SNAP91: variants seen among roughly 807,000 people sequenced by gnomAD.
SNAP91 encodes clathrin coat assembly protein AP180.
Under a neutral mutation model 100.3 loss-of-function variants are expected in SNAP91, and 27 were observed. That is an observed-to-expected ratio of 0.27 (90% CI 0.20 to 0.37). SNAP91 has a LOEUF of 0.37. Among genes scored for constraint, SNAP91 ranks in the 10% least tolerant of loss-of-function variants. The pLI is 1.00. For synonymous variants in SNAP91, 404 were observed against 398.6 expected, an observed-to-expected ratio of 1.01 and a Z score of -0.16; for missense variants, 986 against 1,123.7, an observed-to-expected ratio of 0.88 and a Z score of 1.75.
At chr6:83,675,841 C>CACACACACACACAA (rs1256251289) in intron 2 of SNAP91, among the ~76,000 whole-genome samples, 1 of 150,750 alleles carries the variant, frequency 6.6e-6, no homozygotes, top group Non-Finnish European at 1.5e-5. Context: ...CACACACACA[C>CACACACACACACAA]ACACACACAC....
At chr6:83,674,617 C>T (rs928391150) in intron 2 of SNAP91, among the ~76,000 whole-genome samples, 2 of 152,100 alleles carry the variant, frequency 1.3e-5, no homozygotes, top group Non-Finnish European at 2.9e-5. Context: ...TACTGCTCCT[C>T]AAAATCTCAA....
At chr6:83,689,099 T>C (rs2099099616) in intron 2 of SNAP91, among the ~76,000 whole-genome samples, 1 of 152,170 alleles carries the variant, frequency 6.6e-6, no homozygotes, top group South Asian at 2.1e-4. Context: ...GTGCCACCCA[T>C]CATGGCTCAG....
chr6:83,594,470 C>T lies in SNAP91; in HGVS notation c.1336G>A (p.Ala446Thr), dbSNP rs1379417472. 1 of 1,515,134 alleles carries T rather than the reference C, an allele frequency of 6.6e-7. No homozygotes were observed. Among genetic ancestry groups the T allele is most frequent in the Non-Finnish European group, 8.8e-7 (1 of 1,135,252 alleles). 93.9% of individuals were successfully genotyped at this position (1,515,134 alleles called of 1,614,324 possible). ...EVDLFGDAFA[A>T]SPGEAPAASE... ...GCTGCAGGGGCCTCCCCAGGAGAAGCTGCAAAGGCATCTTGGGTGCGGTTT... is the reference window on the plus strand; with the variant it reads ...GCTGCAGGGGCCTCCCCAGGAGAAGTTGCAAAGGCATCTTGGGTGCGGTTT... Residue 446 changes from alanine (A) to threonine (T), a missense_variant, in exon 17 of 30, where the codon GCT (alanine) becomes ACT (threonine). By Grantham distance (58) the Ala-to-Thr change is moderately conservative (BLOSUM62 0). Transcript: ENST00000369694.
intron 20 of SNAP91, 108 bp downstream of exon 20, chr6:83,592,838 C>T: frequency 1.2e-6 from 1 of 844,258 alleles, no homozygotes; most frequent in Non-Finnish European, 1.9e-6. Context: ...TTTTGAAGTA[C>T]ATTTTAAATT....
chr6:83,574,933 A>C, intron 26 of SNAP91, 77 bp downstream of exon 26: 1 of 904,564 alleles, frequency 1.1e-6, no homozygotes, highest in South Asian at 1.5e-5. Flanking sequence ...CAGCAAAGTT[A>C]GCAAAATGCA....
At chr6:83,661,165 T>A (rs777123354) in intron 5 of SNAP91, among the ~76,000 whole-genome samples, 10 of 152,190 alleles carry the variant, frequency 6.6e-5, no homozygotes, top group Non-Finnish European at 1.3e-4. Flanking sequence ...AATTCCCTCC[T>A]TCTTAAATTA....
intron 6 of SNAP91, 84 bp downstream of exon 6, chr6:83,658,910 CGAGGA>C: frequency 3.2e-6 from 3 of 951,388 alleles, no homozygotes; most frequent in Non-Finnish European, 3.2e-6. Flanking sequence ...AGCTGCTTCC[CGAGGA>C]AATCTTTGGA....
At chr6:83,560,046 C>G in intron 28 of SNAP91, 58 bp downstream of exon 28, 3 of 1,396,298 alleles carry the variant, frequency 2.1e-6, no homozygotes, top group Non-Finnish European at 3.1e-6. Context: ...GTTTGCTACA[C>G]CAATGTTTTA....
At chr6:83,686,378 G>A (rs1324802639) in intron 2 of SNAP91, among the ~76,000 whole-genome samples, 1 of 152,138 alleles carries the variant, frequency 6.6e-6, no homozygotes, top group Non-Finnish European at 1.5e-5. Context: ...AAGAGTTACT[G>A]GCTACAGAGG....
chr6:83,688,976 T>A (rs1405690198), intron 2 of SNAP91, among the ~76,000 whole-genome samples: 3 of 152,162 alleles, frequency 2.0e-5, no homozygotes, highest in Non-Finnish European at 4.4e-5. Context: ...TCTCACTAAG[T>A]GGTAAGTTCG....
Position 83,571,945 on chromosome 6 carries a change from AG to A in SNAP91, c.2442+3064del, listed in dbSNP as rs1374259708. Among the ~76,000 whole-genome samples the A allele has an allele frequency of 2.0e-5, 3 of 152,104 alleles. No homozygotes were observed. The East Asian group carries it at 5.8e-4, about 29-fold the overall frequency. On this transcript the variant is annotated intron_variant, in intron 26 of 29. Transcript: ENST00000369694. ...TCTCATGAGATCTGATGGTTTAATA[AG>A]GGGGAGTTTCCCTGCACAAGCTCTT...
chr6:83,645,418 C>T (rs1204983505), intron 7 of SNAP91, among the ~76,000 whole-genome samples: 1 of 152,150 alleles, frequency 6.6e-6, no homozygotes, highest in Non-Finnish European at 1.5e-5. Flanking sequence ...GATGAACCTA[C>T]ATTGAACATC....
chr6:83,673,182 C>T (rs530387060), intron 2 of SNAP91, among the ~76,000 whole-genome samples: 2 of 151,648 alleles, frequency 1.3e-5, no homozygotes, highest in African/African-American at 4.9e-5. Context: ...TCTTCTCTTT[C>T]TGTTATGGAC....
intron 11 of SNAP91, among the ~76,000 whole-genome samples, chr6:83,614,420 T>C (rs1583867801): frequency 6.6e-6 from 1 of 152,148 alleles, no homozygotes; most frequent in African/African-American, 2.4e-5. Flanking sequence ...AATGCTTCAA[T>C]TTATGTATAT....
At chr6:83,639,249 ATACAG>A in intron 8 of SNAP91, among the ~76,000 whole-genome samples, 1 of 152,302 alleles carries the variant, frequency 6.6e-6, no homozygotes, top group South Asian at 2.1e-4. Flanking sequence ...CATGAGTACT[ATACAG>A]TAGAGAGAGA....
chr6:83,603,484 C>A (rs1019531592), intron 14 of SNAP91, among the ~76,000 whole-genome samples: 1 of 151,974 alleles, frequency 6.6e-6, no homozygotes, highest in African/African-American at 2.4e-5. Context: ...CTCATCTCAG[C>A]CTCCTCAGAA....
At chr6:83,647,387 A>T (rs1251996781) in intron 7 of SNAP91, among the ~76,000 whole-genome samples, 5 of 152,150 alleles carry the variant, frequency 3.3e-5, no homozygotes, top group African/African-American at 1.2e-4. Flanking sequence ...TAGTTCACTG[A>T]TAATTTTTGT....
chr6:83,659,034 G>A lies in SNAP91; in HGVS notation c.511C>T (p.Leu171=), dbSNP rs201130812. The A allele has an allele frequency of 2.1e-5, 33 of 1,608,404 alleles. No individual in the cohort carries two copies. In the East Asian group the frequency reaches 6.3e-4, roughly 30 times the overall value. ...PEKLLKSMPI[L]QGQIDALLEF... is the part of the protein sequence containing the mutation. The stretch of plus-strand genomic sequence containing the variant: ...AGCAGTGCATCAATTTGTCCCTGTA[G>A]TATTGGCATACTCTTTAGCAGCTTT... The change falls in exon 6 of 30, where the codon CTA becomes TTA. Residue 171 remains leucine, a synonymous_variant. Coordinates refer to ENST00000369694, the MANE Select transcript of SNAP91 (RefSeq NM_001242792.2).
At chr6:83,593,800 G>C (rs962724504) in intron 17 of SNAP91, 59 bp from the exon 18 acceptor site, 29 of 1,510,604 alleles carry the variant, frequency 1.9e-5, no homozygotes, top group Admixed American at 6.7e-5. Flanking sequence ...ACAAGAGACA[G>C]CATCATAACT....
Sources: allele counts gnomAD v4.1 joint callset (sites outside exome capture counted in the v4.1 genomes callset), GRCh38; gene constraint gnomAD v4.1.1; transcripts MANE v1.5; gene names NCBI Gene and HGNC (gene_info 2026-07-23, HGNC 2026-07-21).